OBSL1: variants seen among roughly 807,000 people sequenced by gnomAD.
OBSL1 encodes obscurin like cytoskeletal adaptor 1, also known as obscurin-like protein 1.
A neutral mutation model predicts 172.0 loss-of-function variants in OBSL1; 160 were observed. That is an observed-to-expected ratio of 0.93 (90% confidence interval 0.82 to 1.06). The LOEUF (loss-of-function observed/expected upper bound fraction) is 1.06, where lower values mean the gene tolerates loss of function less well. Among genes scored for constraint, OBSL1 ranks in the 50% least tolerant of loss-of-function variants. The pLI is 0.00. For synonymous variants in OBSL1, 1,200 were observed against 1,196.3 expected (o/e 1.00, Z -0.06); for missense variants, 2,681 against 2,715.4 (o/e 0.99, Z 0.28).
chr2:219,558,524 C>T (rs962234975), intron 9 of OBSL1, 65 bp from the exon 10 acceptor site: 30 of 1,474,076 alleles, frequency 2.0e-5, no homozygotes, highest in Non-Finnish European at 2.6e-5. Context: ...CCTCACCCGC[C>T]AGATCCTCAG....
intron 9 of OBSL1, among the ~76,000 whole-genome samples, chr2:219,558,779 T>C (rs1240510847): frequency 6.6e-6 from 1 of 152,176 alleles, no homozygotes; most frequent in Non-Finnish European, 1.5e-5. Context: ...CACCCAGATC[T>C]ACACACCCCA....
chr2:219,566,797 T>C, intron 5 of OBSL1, 33 bp downstream of exon 5: 1 of 1,536,118 alleles, frequency 6.5e-7, no homozygotes, highest in Non-Finnish European at 8.8e-7. Flanking sequence ...GTCTTGACCC[T>C]TTCTGCCCAC....
intron 19 of OBSL1, 59 bp from the exon 20 acceptor site, chr2:219,551,857 A>C: frequency 9.2e-7 from 1 of 1,089,018 alleles, no homozygotes; most frequent in East Asian, 2.4e-5. Context: ...CCAGGAGGAG[A>C]GATGCATCTT....
In OBSL1 at chr2:219,559,436, C is replaced by T. The variant is rs1367762407; in HGVS notation, c.3015G>A (p.Glu1005=). 3.1e-6 allele frequency: 5 copies of T among 1,613,768 alleles called. No homozygotes were observed. Among genetic ancestry groups the T allele is most frequent in the Admixed American group, 3.3e-5 (2 of 59,992 alleles). ...DEVTLIAVTL[E]CVVLMCELSR... is the part of the protein sequence containing the mutation. ...ACAGTTCACACATCAGCACCACACA[C>T]TCCAAGGTCACGGCGATCAAGGTCA... Residue 1005 remains glutamate, a synonymous_variant, in exon 9 of 21, where the codon GAG becomes GAA. Transcript: ENST00000404537.
At chr2:219,550,376 CCT>C (rs969632295), downstream of OBSL1, 4 of 201,126 alleles carry the variant, frequency 2.0e-5, no homozygotes, top group African/African-American at 9.3e-5. Flanking sequence ...GGTCCCCTGG[CCT>C]CTGTAAAGCC....
Position 219,571,148 on chromosome 2 carries a change from C to T in OBSL1, c.85G>A (p.Ala29Thr). Residue 29 changes from alanine (A) to threonine (T), a missense_variant, in exon 1 of 21, where the codon GCC becomes ACC. This residue lies in a region of OBSL1 where 90 missense variants were observed against 76.6 expected (regional missense o/e 1.18). Coordinates refer to ENST00000404537, the MANE Select transcript of OBSL1 (RefSeq NM_015311.3). ...CCCAGGACCACGCACTTGAGCTCGG[C>T]CTCGGCGCCACTTACCACCCGCACA... ...RPVRVVSGAE[A>T]ELKCVVLGEP... The T allele has an allele frequency of 6.7e-7, 1 of 1,488,434 alleles. No individual in the cohort carries two copies. The highest frequency in any genetic ancestry group is 8.9e-7 in the Non-Finnish European group (1 of 1,123,788). 92.2% of individuals were successfully genotyped at this position (1,488,434 alleles called of 1,614,324 possible).
chr2:219,551,997 C>T, intron 19 of OBSL1, 115 bp downstream of exon 19: 1 of 1,158,312 alleles, frequency 8.6e-7, no homozygotes, highest in Non-Finnish European at 1.3e-6. Context: ...AGGAGAGCCC[C>T]TCGGGGGGAA....
chr2:219,556,282 C>A lies in OBSL1; in HGVS notation c.4347G>T (p.Leu1449=). 1 of 1,583,848 alleles carries A rather than the reference C, an allele frequency of 6.3e-7. No individual in the cohort carries two copies. ...SARLHVRETE[L]LFLRRLQDVR... ...CATCCTGCAACCGCCGTAGGAACAG[C>A]AGCTCTGTCTCTGGTGGGGAAGAAG... Residue 1449 remains leucine, a synonymous_variant, in exon 14 of 21, where the codon CTG becomes CTT. Coordinates refer to ENST00000404537, the MANE Select transcript of OBSL1 (RefSeq NM_015311.3).
intron 14 of OBSL1, 51 bp from the exon 15 acceptor site, chr2:219,554,791 G>T: frequency 6.7e-7 from 1 of 1,497,558 alleles, no homozygotes; most frequent in South Asian, 1.3e-5. Flanking sequence ...GCTCTGGGCA[G>T]GGGTTGCAGT....
In OBSL1 at chr2:219,554,583, C is replaced by T. The variant is rs759999748; in HGVS notation, c.4767G>A (p.Ser1589=). ...GTACCAGTCGGTGACGGTGGCCGTCCGAGTGGATGTGACACTTGGGTCCTG... is the reference window on the plus strand; with the variant it reads ...GTACCAGTCGGTGACGGTGGCCGTCTGAGTGGATGTGACACTTGGGTCCTG... The part of the protein sequence containing the change: ...LYPGPKCHIH[S]DGHRHRLVLN... The change falls in exon 15 of 21, where the codon TCG becomes TCA. Residue 1589 remains serine (S), a synonymous_variant. Coordinates refer to ENST00000404537, the MANE Select transcript of OBSL1 (RefSeq NM_015311.3). 25 of 1,613,188 alleles carry T rather than the reference C, an allele frequency of 1.5e-5. 1 individual carries two copies. Among genetic ancestry groups the T allele is most frequent in the East Asian group, 1.1e-4 (5 of 44,890 alleles).
chr2:219,558,219 C>T lies in OBSL1; in HGVS notation c.3467G>A (p.Arg1156Gln), dbSNP rs368874304. Residue 1156 changes from arginine to glutamine, a missense_variant, in exon 10 of 21, where the codon CGG (arginine) becomes CAG (glutamine). Physicochemically the swap from Arg to Gln is conservative, Grantham distance 43. Coordinates refer to ENST00000404537, the MANE Select transcript of OBSL1 (RefSeq NM_015311.3). The stretch of plus-strand genomic sequence containing the variant: ...GACATTGAAGGTGATGGCCTCATGC[C>T]GGGTCTCACACACATACTCCCCGGC... ...EDAGEYVCETRHEAITFNVIL... is the reference protein window; with the variant it reads ...EDAGEYVCETQHEAITFNVIL... 38 of 1,608,068 alleles carry T rather than the reference C, an allele frequency of 2.4e-5. 1 individual carries two copies. The highest frequency in any genetic ancestry group is 1.7e-4 in the Admixed American group (10 of 59,666).
chr2:219,557,126 C>T, intron 12 of OBSL1: 1 of 519,130 alleles, frequency 1.9e-6, no homozygotes, highest in Non-Finnish European at 3.3e-6. Flanking sequence ...GCTGGGTGGA[C>T]TCTAGAGCCC....
intron 8 of OBSL1, chr2:219,561,612 C>T: frequency 2.1e-6 from 1 of 472,660 alleles, no homozygotes; most frequent in Non-Finnish European, 3.8e-6. Context: ...GTGCTGCTGG[C>T]TCCCGTGTGT....
rs199941785 is a variant in OBSL1, at chr2:219,559,324, G to A, written c.3127C>T (p.Arg1043Cys). Residue 1043 changes from arginine (R) to cysteine (C), a missense_variant, in exon 9 of 21, where the codon CGC (arginine) becomes TGC (cysteine). By Grantham distance (180) the Arg-to-Cys change is radical (BLOSUM62 -3). Transcript: ENST00000404537. Reference protein sequence around the residue: ...EALVLERDGPRCRLVLPAAQP... With the variant: ...EALVLERDGPCCRLVLPAAQP... ...GCAGCAGGTAGCACCAGGCGGCAGCGTGGCCCATCCCTCTCCAGCACCAGG... is the reference window on the plus strand; with the variant it reads ...GCAGCAGGTAGCACCAGGCGGCAGCATGGCCCATCCCTCTCCAGCACCAGG... 105 of 1,613,896 alleles carry A rather than the reference G, an allele frequency of 6.5e-5. No homozygotes were observed. In the African/African-American group the frequency reaches 8.9e-4, roughly 14 times the overall value.
chr2:219,547,463 G>A (rs1322156032), downstream of OBSL1: 6 of 1,387,288 alleles, frequency 4.3e-6, no homozygotes, highest in South Asian at 1.3e-4. Context: ...CTCCAGCCTG[G>A]TGCCCTCATC....
rs1697315950 is a variant in OBSL1 at position 219,571,082 on chromosome 2, G to A, written c.151C>T (p.Gln51Ter). The A allele has an allele frequency of 1.4e-6, 2 of 1,469,178 alleles. No individual in the cohort carries two copies. Among genetic ancestry groups the A allele is most frequent in the Admixed American group, 2.3e-5 (1 of 43,270 alleles). The allele number at this position is 1,469,178 out of a possible 1,614,324, so 91.0% of individuals were successfully genotyped here. ...PVVVWEKGGQQLAASERLSFP... is the reference protein window; with the variant it reads ...PVVVWEKGGQ The stretch of plus-strand genomic sequence containing the variant: ...CTCAGGCGTTCCGAGGCCGCCAGCT[G>A]CTGCCCGCCCTTCTCCCACACCACT... The change falls in exon 1 of 21, where the codon CAG (glutamine) becomes TAG (stop). Residue 51 changes from glutamine to a stop codon, truncating the protein, a stop_gained. Transcript: ENST00000404537. LOFTEE classifies it high-confidence loss of function.
rs1001334701 is a variant in OBSL1 at position 219,568,663 on chromosome 2, T to C, written c.1013-339A>G. Among the ~76,000 whole-genome samples the C allele has an allele frequency of 2.0e-5, 3 of 152,120 alleles. No homozygotes were observed. The highest frequency in any genetic ancestry group is 4.4e-5 in the Non-Finnish European group (3 of 68,018). ...TGGGGTCCTCCAGGCCCTAGATTGG[T>C]GATTTCCAAACTGTTCCCTGGCTCC... On this transcript the variant is annotated intron_variant, in intron 1 of 20. Transcript: ENST00000404537. The surrounding 1 kb of genome is among the most constrained non-coding windows in gnomAD (Gnocchi z 4.1).
rs572174895 is a variant in OBSL1 at position 219,555,024 on chromosome 2, C to T, written c.4610-284G>A. ...GGGTGCTGTGACACTTGAAGGAGCA[C>T]GGAATTTGGAGTCAGACACACTAGG... On this transcript the variant is annotated intron_variant, in intron 14 of 20. Coordinates refer to ENST00000404537, the MANE Select transcript of OBSL1 (RefSeq NM_015311.3). 8.9e-4 allele frequency: 396 copies of T among 444,732 alleles called. 6 individuals are homozygous for T. In the South Asian group the frequency reaches 9.8e-3, roughly 11 times the overall value. The allele number at this position is 444,732 out of a possible 1,614,324, so 27.5% of individuals were successfully genotyped here.
At chr2:219,561,007 G>A (rs1696422938) in intron 8 of OBSL1, among the ~76,000 whole-genome samples, 1 of 152,220 alleles carries the variant, frequency 6.6e-6, no homozygotes, top group South Asian at 2.1e-4. Context: ...CTGAGCATGG[G>A]CTGGAGTTTG....
Sources: allele counts gnomAD v4.1 joint callset (sites outside exome capture counted in the v4.1 genomes callset), GRCh38; gene constraint gnomAD v4.1.1; regional missense constraint gnomAD v4.1.1; non-coding constraint Gnocchi (gnomAD v3.1); transcripts MANE v1.5; gene names NCBI Gene and HGNC (gene_info 2026-07-23, HGNC 2026-07-21).